Variants in GABRB3 observed in about 807,000 individuals in gnomAD.
GABRB3 encodes the protein gamma-aminobutyric acid type A receptor subunit beta3.
In GABRB3, 14 loss-of-function variants were observed where a neutral mutation model predicts 52.1. That is an observed-to-expected ratio of 0.27 (90% CI 0.18 to 0.42). GABRB3 has a LOEUF of 0.42. Among genes scored for constraint, GABRB3 ranks in the 10% least tolerant of loss-of-function variants. The pLI, the probability that GABRB3 is intolerant of heterozygous loss-of-function variation, is 1.00. For missense variants in GABRB3, 307 were observed against 609.1 expected (o/e 0.50, Z 5.22); for synonymous variants, 260 against 232.3 (o/e 1.12, Z -1.08).
At chr15:26,679,722 G>C (rs531877509) in intron 3 of GABRB3, among the ~76,000 whole-genome samples, 120 of 152,060 alleles carry the variant, frequency 7.9e-4, no homozygotes, top group Non-Finnish European at 1.4e-3. Context: ...GGAGATGGGG[G>C]AATCAGCCTG....
chr15:26,626,058 G>A (rs1234306981), intron 3 of GABRB3, among the ~76,000 whole-genome samples: 1 of 152,164 alleles, frequency 6.6e-6, no homozygotes, highest in Non-Finnish European at 1.5e-5. Context: ...TTTTCCAACA[G>A]CATATGCTCA....
At chr15:26,685,296 T>C in intron 3 of GABRB3, among the ~76,000 whole-genome samples, 1 of 152,208 alleles carries the variant, frequency 6.6e-6, no homozygotes, top group Non-Finnish European at 1.5e-5. Flanking sequence ...AGGCAATTCA[T>C]AGCAGAGCTG....
intron 3 of GABRB3, among the ~76,000 whole-genome samples, chr15:26,718,096 G>T: frequency 6.6e-6 from 1 of 152,332 alleles, no homozygotes; most frequent in East Asian, 1.9e-4. Flanking sequence ...TCTGGAAGCT[G>T]TTGGTCCTGC....
At chr15:26,564,304 C>G (rs1951667215) in intron 7 of GABRB3, among the ~76,000 whole-genome samples, 1 of 152,194 alleles carries the variant, frequency 6.6e-6, no homozygotes, top group Non-Finnish European at 1.5e-5. Flanking sequence ...GGGAGGCCAT[C>G]TAATTACAAC....
intron 7 of GABRB3, among the ~76,000 whole-genome samples, chr15:26,562,048 C>T (rs955544627): frequency 1.3e-5 from 2 of 152,046 alleles, no homozygotes; most frequent in African/African-American, 4.8e-5. Flanking sequence ...ATGTGTGGAC[C>T]ATGTATTGCA....
chr15:26,629,302 G>C, intron 3 of GABRB3: 1 of 784,324 alleles, frequency 1.3e-6, no homozygotes, highest in Non-Finnish European at 1.9e-6. Context: ...GGCCCGTAGC[G>C]GAAAAGGCGT....
intron 3 of GABRB3, among the ~76,000 whole-genome samples, chr15:26,670,689 A>G (rs1235191086): frequency 6.6e-6 from 1 of 152,184 alleles, no homozygotes; most frequent in Non-Finnish European, 1.5e-5. Context: ...CACTGAGAAA[A>G]TTATGAAGTG....
chr15:26,740,545 T>A lies in GABRB3; in HGVS notation c.240+31857A>T, dbSNP rs540659652. 3.3e-5 allele frequency among the ~76,000 whole-genome samples: 5 copies of A among 152,156 alleles called. No homozygotes were observed. The East Asian group carries it at 9.7e-4, about 30-fold the overall frequency. ...GCCCGAAAGCACCTGGTCCACTCACTGGGTCTGTCTTCTCTCCTCCTCCTC... is the reference window on the plus strand; with the variant it reads ...GCCCGAAAGCACCTGGTCCACTCACAGGGTCTGTCTTCTCTCCTCCTCCTC... On this transcript the variant is annotated intron_variant, in intron 3 of 8. Coordinates refer to ENST00000311550, the MANE Select transcript of GABRB3 (RefSeq NM_000814.6).
chr15:26,652,456 C>G (rs916026684), intron 3 of GABRB3, among the ~76,000 whole-genome samples: 5 of 152,102 alleles, frequency 3.3e-5, no homozygotes, highest in Admixed American at 1.3e-4. Context: ...AACATCTTAC[C>G]AGGAACAAAG....
At chr15:26,683,597 T>C (rs1243413352) in intron 3 of GABRB3, among the ~76,000 whole-genome samples, 1 of 152,220 alleles carries the variant, frequency 6.6e-6, no homozygotes, top group Non-Finnish European at 1.5e-5. Context: ...GAACCTGATC[T>C]ATGTCAGATG....
intron 3 of GABRB3, among the ~76,000 whole-genome samples, chr15:26,733,915 C>G (rs1487131164): frequency 6.6e-6 from 1 of 151,848 alleles, no homozygotes; most frequent in Non-Finnish European, 1.5e-5. Context: ...CTGGATAAGC[C>G]AGATATCCAC....
At chr15:26,658,114 T>C (rs1236352260) in intron 3 of GABRB3, among the ~76,000 whole-genome samples, 1 of 152,192 alleles carries the variant, frequency 6.6e-6, no homozygotes, top group African/African-American at 2.4e-5. Flanking sequence ...ATGGACCAGC[T>C]GGTGCCACCC....
chr15:26,685,647 C>T (rs578026496), intron 3 of GABRB3, among the ~76,000 whole-genome samples: 7 of 151,996 alleles, frequency 4.6e-5, no homozygotes, highest in East Asian at 1.9e-4. Context: ...ACTTTCAATA[C>T]GATTATGAAA....
intron 3 of GABRB3, among the ~76,000 whole-genome samples, chr15:26,748,807 C>T (rs542622699): frequency 5.3e-5 from 8 of 152,152 alleles, no homozygotes; most frequent in South Asian, 4.2e-4. Context: ...GGGCAGATCA[C>T]TTGAGACCAG....
intron 3 of GABRB3, among the ~76,000 whole-genome samples, chr15:26,765,856 G>A (rs1156810265): frequency 6.6e-6 from 1 of 152,210 alleles, no homozygotes; most frequent in African/African-American, 2.4e-5. Flanking sequence ...ATAAAGTCCT[G>A]TGAGCCCTTA....
At chr15:26,558,847 A>AAAAG (rs537158362) in intron 8 of GABRB3, among the ~76,000 whole-genome samples, 53 of 151,838 alleles carry the variant, frequency 3.5e-4, no homozygotes, top group African/African-American at 1.1e-3. Context: ...TCAAAAAAAA[A>AAAAG]AAAGAAAGAA....
At chr15:26,554,207 A>ATATATATTTATATATTTATT (rs1348288306) in intron 8 of GABRB3, among the ~76,000 whole-genome samples, 1 of 57,808 alleles carries the variant, frequency 1.7e-5, no homozygotes, top group Non-Finnish European at 4.1e-5. Context: ...ATATATATAT[A>ATATATATTTATATATTTATT]TAGTAGAAAC....
At chr15:26,548,334 C>G (rs932759400) in intron 8 of GABRB3, among the ~76,000 whole-genome samples, 200 bp from the exon 9 acceptor site, 3 of 152,078 alleles carry the variant, frequency 2.0e-5, no homozygotes, top group Admixed American at 2.0e-4. Flanking sequence ...TTTCCTTGAT[C>G]TAAAAATGCT....
intron 4 of GABRB3, among the ~76,000 whole-genome samples, chr15:26,608,922 T>A (rs995616403): frequency 1.3e-5 from 2 of 152,106 alleles, no homozygotes; most frequent in Non-Finnish European, 2.9e-5. Flanking sequence ...AATTACCATA[T>A]GCTACAGCAA....
Sources: gnomAD v4.1 joint callset for allele counts (sites outside exome capture counted in the v4.1 genomes callset) on GRCh38, gnomAD v4.1.1 for gene constraint, MANE v1.5 for transcripts, NCBI Gene and HGNC (gene_info 2026-07-23, HGNC 2026-07-21) for gene names.